DMD: variants seen among roughly 807,000 people sequenced by gnomAD.
The protein encoded by DMD is mutant dystrophin.
Under a neutral mutation model 330.1 loss-of-function variants are expected in DMD, and 63 were observed. The observed-to-expected ratio is 0.19, with a 90% CI of 0.16 to 0.24. The LOEUF (loss-of-function observed/expected upper bound fraction) is 0.24, where lower values mean the gene tolerates loss of function less well. Ranked by LOEUF, DMD falls within the 10% of genes least tolerant of loss-of-function variation. The pLI is 1.00. For synonymous variants in DMD, 1,223 were observed against 959.8 expected (o/e 1.27, Z -5.07); for missense variants, 3,344 against 2,684.1 (o/e 1.25, Z -5.43).
At chrX:32,443,136 C>G (rs1433031460) in intron 27 of DMD, among the ~76,000 whole-genome samples, 1 of 110,661 alleles carries the variant, frequency 9.0e-6, no homozygotes, top group Non-Finnish European at 1.9e-5. Flanking sequence ...GCAATCATCA[C>G]CACTTACTAC....
chrX:32,491,072 C>T (rs767318355), intron 20 of DMD, among the ~76,000 whole-genome samples: 1 of 112,613 alleles, frequency 8.9e-6, no homozygotes, highest in East Asian at 2.8e-4. Flanking sequence ...TGTGTAACTA[C>T]GCCAAATACA....
intron 62 of DMD, among the ~76,000 whole-genome samples, chrX:31,298,610 T>C (rs2054384477): frequency 8.9e-6 from 1 of 112,309 alleles, no homozygotes; most frequent in Non-Finnish European, 1.9e-5. Context: ...AGCATAAATC[T>C]ATTTTCCATG....
chrX:32,296,433 C>T (rs1380274758), intron 42 of DMD, among the ~76,000 whole-genome samples: 1 of 110,709 alleles, frequency 9.0e-6, no homozygotes, highest in East Asian at 2.8e-4. Flanking sequence ...CTTCCTCTGT[C>T]CCGTCTCTGT....
intron 7 of DMD, among the ~76,000 whole-genome samples, chrX:32,807,122 T>TAAAAAAAACAAAAAAA (rs2076999784): frequency 4.8e-5 from 1 of 20,744 alleles, no homozygotes; most frequent in African/African-American, 2.2e-4. Context: ...CGGAAACATT[T>TAAAAAAAACAAAAAAA]AAAAAAAAAA....
intron 44 of DMD, among the ~76,000 whole-genome samples, chrX:31,968,971 A>C (rs1665605595): frequency 9.0e-6 from 1 of 111,232 alleles, no homozygotes; most frequent in Non-Finnish European, 1.9e-5. Context: ...CACAGTATTA[A>C]AAAAAAACTC....
intron 12 of DMD, among the ~76,000 whole-genome samples, chrX:32,603,565 TAG>T (rs1046058626): frequency 1.8e-5 from 2 of 109,816 alleles, no homozygotes; most frequent in African/African-American, 3.3e-5. Flanking sequence ...TTAAAAAAAT[TAG>T]AGAGTTTTCT....
intron 55 of DMD, among the ~76,000 whole-genome samples, chrX:31,577,878 G>T (rs2076176125): frequency 1.8e-5 from 2 of 110,302 alleles, no homozygotes; most frequent in South Asian, 7.8e-4. Context: ...TAAAAGAAGG[G>T]GCCCTTTTGA....
chrX:31,740,898 A>T lies in DMD; in HGVS notation c.7543-11150T>A, dbSNP rs180837125. 3.6e-5 allele frequency among the ~76,000 whole-genome samples: 4 copies of T among 112,421 alleles called. No individual in the cohort carries two copies. The East Asian group carries it at 8.4e-4, about 24-fold the overall frequency. On this transcript the variant is annotated intron_variant, in intron 51 of 78. Transcript: ENST00000357033. ...GTTTGATAGCATTTTACTCAGTAGA[A>T]CTTCTTTCAAAATTTGAGTCAATCT...
intron 7 of DMD, among the ~76,000 whole-genome samples, chrX:32,777,080 G>A (rs991206909): frequency 1.9e-5 from 2 of 107,806 alleles, no homozygotes; most frequent in Non-Finnish European, 3.8e-5. Context: ...TGTTTTTACA[G>A]TAATTAAGAG....
intron 22 of DMD, among the ~76,000 whole-genome samples, chrX:32,469,416 A>G (rs144514576): frequency 0.057 from 6,310 of 110,370 alleles, 198 homozygotes; most frequent in East Asian, 0.15. Context: ...TAAATTTTCA[A>G]TTTGTTCTAT....
intron 7 of DMD, among the ~76,000 whole-genome samples, chrX:32,714,657 T>A (rs188707381): frequency 2.5e-4 from 28 of 111,816 alleles, no homozygotes; most frequent in African/African-American, 6.8e-4. Context: ...ACAAACTAAC[T>A]TAGGGAGAAC....
chrX:31,659,639 GAAAAAAAAAAAAAAA>G (rs869195395), intron 53 of DMD, among the ~76,000 whole-genome samples: 455 of 39,986 alleles, frequency 0.011, 6 homozygotes, highest in African/African-American at 0.04. Context: ...CTCCATCTCG[GAAAAAAAAAAAAAAA>G]AAAAAAAAAA....
chrX:31,444,424 T>A, intron 60 of DMD, 57 bp downstream of exon 60: 1 of 1,176,826 alleles, frequency 8.5e-7, no homozygotes, highest in South Asian at 1.8e-5. Flanking sequence ...CTTTACAAAT[T>A]TTATCTGTAT....
intron 2 of DMD, among the ~76,000 whole-genome samples, chrX:32,903,477 T>A (rs2086481959): frequency 9.0e-6 from 1 of 110,921 alleles, no homozygotes; most frequent in African/African-American, 3.3e-5. Flanking sequence ...AGGGAAACGT[T>A]AAAGCATTGG....
chrX:31,769,737 T>G (rs2090225133), intron 51 of DMD, among the ~76,000 whole-genome samples: 1 of 112,287 alleles, frequency 8.9e-6, no homozygotes, highest in Non-Finnish European at 1.9e-5. Context: ...ATCATAATAA[T>G]TACCTCCTAC....
intron 47 of DMD, among the ~76,000 whole-genome samples, chrX:31,921,193 T>TAA (rs1364535531): frequency 9.0e-6 from 1 of 111,340 alleles, no homozygotes. Context: ...AATAGATTGA[T>TAA]AAAAACGATG....
At chrX:32,715,619 G>A (rs1358845404) in intron 7 of DMD, among the ~76,000 whole-genome samples, 1 of 109,461 alleles carries the variant, frequency 9.1e-6, no homozygotes, top group African/African-American at 3.3e-5. Context: ...GGCCAACATG[G>A]TGAAACCCCA....
At chrX:31,732,021 T>G (rs2086542055) in intron 51 of DMD, among the ~76,000 whole-genome samples, 1 of 110,736 alleles carries the variant, frequency 9.0e-6, no homozygotes, top group Non-Finnish European at 1.9e-5. Context: ...ACAAAATAGG[T>G]CTCAGGGTAT....
intron 67 of DMD, among the ~76,000 whole-genome samples, chrX:31,192,999 A>G (rs1399465132): frequency 8.9e-6 from 1 of 111,804 alleles, no homozygotes; most frequent in Non-Finnish European, 1.9e-5. Flanking sequence ...CAACACTGAT[A>G]AATGCATACT....
Sources: allele counts gnomAD v4.1 joint callset (sites outside exome capture counted in the v4.1 genomes callset), GRCh38; gene constraint gnomAD v4.1.1; transcripts MANE v1.5; gene names NCBI Gene and HGNC (gene_info 2026-07-23, HGNC 2026-07-21).